APCDD1: variants seen among roughly 807,000 people sequenced by gnomAD.
APCDD1 encodes APC down-regulated 1, also known as protein APCDD1.
Under a neutral mutation model 38.1 loss-of-function variants are expected in APCDD1, and 15 were observed. The observed-to-expected ratio is 0.39, with a 90% CI of 0.26 to 0.61. The LOEUF is 0.61. APCDD1 is among the 20% of genes least tolerant of loss of function. The probability of loss-of-function intolerance (pLI) is 0.49; values close to 1 mark genes in which losing one functional copy is unlikely to be tolerated. For synonymous variants in APCDD1, 261 were observed against 279.7 expected, an observed-to-expected ratio of 0.93 and a Z score of 0.67; for missense variants, 647 against 696.2, an observed-to-expected ratio of 0.93 and a Z score of 0.79.
chr18:10,454,955 G>T lies in APCDD1; in HGVS notation c.-27G>T. On this transcript the variant is annotated 5_prime_UTR_variant, in exon 1 of 5. Transcript: ENST00000355285. ...CGGGCACCAAATCGGAGCGCGGCGT[G>T]CGGGAGGCCCCAGAGCAGGACTGGA... The T allele has an allele frequency of 6.7e-7, 1 of 1,503,656 alleles. No individual in the cohort carries two copies. Among genetic ancestry groups the T allele is most frequent in the Non-Finnish European group, 8.9e-7 (1 of 1,125,160 alleles). 93.1% of individuals were successfully genotyped at this position (1,503,656 alleles called of 1,614,324 possible).
At chr18:10,479,727 C>T (rs1387308240) in intron 3 of APCDD1, among the ~76,000 whole-genome samples, 1 of 152,022 alleles carries the variant, frequency 6.6e-6, no homozygotes, top group African/African-American at 2.4e-5. Flanking sequence ...TAAAATGTAC[C>T]CATGGTCTCC....
intron 3 of APCDD1, among the ~76,000 whole-genome samples, chr18:10,481,840 A>G (rs2031147139): frequency 6.6e-6 from 1 of 152,152 alleles, no homozygotes; most frequent in East Asian, 1.9e-4. Context: ...AAAACAAACA[A>G]AAACACAAAA....
chr18:10,480,304 T>C (rs1316548233), intron 3 of APCDD1, among the ~76,000 whole-genome samples: 1 of 152,208 alleles, frequency 6.6e-6, no homozygotes, highest in East Asian at 1.9e-4. Context: ...TTTCCATGTA[T>C]CCATCTTGGA....
intron 4 of APCDD1, among the ~76,000 whole-genome samples, chr18:10,486,963 A>G (rs1306010657): frequency 1.3e-5 from 2 of 152,240 alleles, no homozygotes; most frequent in East Asian, 3.8e-4. Flanking sequence ...CTCCACCCTG[A>G]AGCTCATCGT....
At chr18:10,484,120 A>G (rs1195438039) in intron 3 of APCDD1, among the ~76,000 whole-genome samples, 1 of 151,796 alleles carries the variant, frequency 6.6e-6, no homozygotes, top group East Asian at 1.9e-4. Flanking sequence ...CAGGCAAGAG[A>G]GGGTCTTCTG....
At chr18:10,458,858 C>T (rs914982304) in intron 1 of APCDD1, among the ~76,000 whole-genome samples, 2 of 152,060 alleles carry the variant, frequency 1.3e-5, no homozygotes, top group Non-Finnish European at 2.9e-5. Flanking sequence ...TTGAAGTGAT[C>T]GCAGGGAAAA....
chr18:10,468,184 T>G (rs891621189), intron 1 of APCDD1, among the ~76,000 whole-genome samples: 2 of 152,338 alleles, frequency 1.3e-5, no homozygotes, highest in Admixed American at 6.5e-5. Flanking sequence ...CATAGATGCA[T>G]GGATTTGATC....
In APCDD1 at chr18:10,471,126, C is replaced by A. The variant is rs1229011050; in HGVS notation, c.243-404C>A. The stretch of plus-strand genomic sequence containing the variant: ...TTTTATAGGCCAGCACAGCACTCAT[C>A]CTCCTTATCCAGAAAGAAATGCCTG... On this transcript the variant is annotated intron_variant, in intron 2 of 4. Coordinates refer to ENST00000355285, the MANE Select transcript of APCDD1 (RefSeq NM_153000.5). This position sits in a 1 kb window ranked among gnomAD's most constrained non-coding sequence, Gnocchi z 5.5. 6.6e-6 allele frequency among the ~76,000 whole-genome samples: 1 copy of A among 152,224 alleles called. No homozygotes were observed. The highest frequency in any genetic ancestry group is 2.4e-5 in the African/African-American group (1 of 41,458).
At chr18:10,473,465 T>C (rs1033004688) in intron 3 of APCDD1, among the ~76,000 whole-genome samples, 2 of 152,174 alleles carry the variant, frequency 1.3e-5, no homozygotes, top group Non-Finnish European at 2.9e-5. Context: ...CCTTGTAAGT[T>C]TCAAATGCAC....
Position 10,468,460 on chromosome 18 carries a change from A to G in APCDD1, c.59-9A>G. ...TTCTTTTGGCTAACTTTCCACCTTT[A>G]TTTTTCAGGGCTGGGAGAGGGTTCT... is the stretch of plus-strand genomic sequence containing the variant. On this transcript the variant is annotated splice_polypyrimidine_tract_variant and intron_variant, in intron 1 of 4. Coordinates refer to ENST00000355285, the MANE Select transcript of APCDD1 (RefSeq NM_153000.5). 6.2e-7 allele frequency: 1 copy of G among 1,614,008 alleles called. No individual in the cohort carries two copies. The highest frequency in any genetic ancestry group is 1.3e-5 in the African/African-American group (1 of 75,004).
chr18:10,460,764 A>G (rs866023991), intron 1 of APCDD1, among the ~76,000 whole-genome samples: 5 of 152,140 alleles, frequency 3.3e-5, no homozygotes, highest in African/African-American at 1.2e-4. Flanking sequence ...ACTGTCTACA[A>G]AGGCTCTGTT....
intron 1 of APCDD1, among the ~76,000 whole-genome samples, chr18:10,456,460 C>T (rs1254147197): frequency 6.6e-6 from 1 of 152,036 alleles, no homozygotes; most frequent in Non-Finnish European, 1.5e-5. Flanking sequence ...GAAACATTGT[C>T]CCCCTTAAAA....
At chr18:10,486,117 C>T (rs1433891525) in intron 4 of APCDD1, among the ~76,000 whole-genome samples, 1 of 152,186 alleles carries the variant, frequency 6.6e-6, no homozygotes, top group Non-Finnish European at 1.5e-5. Flanking sequence ...TTTGGGAAAC[C>T]AAGGCAGGAG....
rs913865447 is a variant in APCDD1 at position 10,476,831 on chromosome 18, A to T, written c.774+4770A>T. On this transcript the variant is annotated intron_variant, in intron 3 of 4. Coordinates refer to ENST00000355285, the MANE Select transcript of APCDD1 (RefSeq NM_153000.5). This position sits in a 1 kb window ranked among gnomAD's most constrained non-coding sequence, Gnocchi z 5.8. ...TGGGAGTACCTGAGAACTGCAGAAA[A>T]AGAGCATGCTGTGCTTTCTCTCTCA... The T allele has an allele frequency of 2.6e-5, 4 of 152,250 alleles. No individual in the cohort carries two copies. Among genetic ancestry groups the T allele is most frequent in the African/African-American group, 9.6e-5 (4 of 41,462 alleles). The allele number at this position is 152,250 out of a possible 1,614,324, so 9.4% of individuals were successfully genotyped here. A position where few individuals can be genotyped will look rare whatever the true frequency, so the allele number is the denominator to read the frequency against.
In APCDD1 at chr18:10,471,476, C is replaced by G; in HGVS notation, c.243-54C>G. On this transcript the variant is annotated intron_variant, in intron 2 of 4. Transcript: ENST00000355285. The surrounding 1 kb of genome is among the most constrained non-coding windows in gnomAD (Gnocchi z 5.5). ...AATTTCTTAATACTATAATGAATCT[C>G]TTTCCCATACCTTCAGGCTTACAAA... The G allele has an allele frequency of 6.2e-7, 1 of 1,607,568 alleles. No individual in the cohort carries two copies. The highest frequency in any genetic ancestry group is 1.7e-5 in the Admixed American group (1 of 60,020).
chr18:10,478,991 C>T (rs1376978057), intron 3 of APCDD1, among the ~76,000 whole-genome samples: 1 of 152,134 alleles, frequency 6.6e-6, no homozygotes, highest in Non-Finnish European at 1.5e-5. Flanking sequence ...GCTTTCTCTC[C>T]GTTTGCCTGT....
Position 10,469,557 on chromosome 18 carries a change from G to A in APCDD1, c.242+905G>A, listed in dbSNP as rs1467967633. Among the ~76,000 whole-genome samples, 3 of 152,100 alleles carry A rather than the reference G, an allele frequency of 2.0e-5. No individual in the cohort carries two copies. ...CACTATTTTAAGTTTTGTTTATATA[G>A]CAGTGAACAAAACAGACCTGGTCCC... On this transcript the variant is annotated intron_variant, in intron 2 of 4. Coordinates refer to ENST00000355285, the MANE Select transcript of APCDD1 (RefSeq NM_153000.5). The surrounding 1 kb of genome is among the most constrained non-coding windows in gnomAD (Gnocchi z 5.5).
rs1445203806 is a variant in APCDD1, at chr18:10,470,629, C to G, written c.243-901C>G. Among the ~76,000 whole-genome samples the G allele has an allele frequency of 3.9e-5, 6 of 152,212 alleles. No individual in the cohort carries two copies. The South Asian group carries it at 1.0e-3, about 26-fold the overall frequency. On this transcript the variant is annotated intron_variant, in intron 2 of 4. Transcript: ENST00000355285. This position sits in a 1 kb window ranked among gnomAD's most constrained non-coding sequence, Gnocchi z 4.1. The stretch of plus-strand genomic sequence containing the variant: ...GAGTGGGAAGGCCAGAATTGATGAG[C>G]TGAAAGTCATGGCGTAACTGAGACT...
At chr18:10,455,419 C>CT (rs1185053085) in intron 1 of APCDD1, among the ~76,000 whole-genome samples, 3 of 152,230 alleles carry the variant, frequency 2.0e-5, no homozygotes, top group Non-Finnish European at 4.4e-5. Flanking sequence ...CTCTGCGAGC[C>CT]TTTTTCCAAA....
Sources: gnomAD v4.1 joint callset for allele counts (sites outside exome capture counted in the v4.1 genomes callset) on GRCh38, gnomAD v4.1.1 for gene constraint, Gnocchi (gnomAD v3.1) non-coding constraint, MANE v1.5 for transcripts, NCBI Gene and HGNC (gene_info 2026-07-23, HGNC 2026-07-21) for gene names.